DLGAP1: variants seen among roughly 807,000 people sequenced by gnomAD.
DLGAP1 encodes the protein DLG associated protein 1, also known as disks large-associated protein 1.
A neutral mutation model predicts 90.8 loss-of-function variants in DLGAP1; 11 were observed. The ratio of observed to expected loss-of-function variants is 0.12; its 90% CI spans 0.08 to 0.20. The LOEUF is 0.20. DLGAP1 is among the 10% of genes least tolerant of loss of function. The pLI is 1.00. For synonymous variants in DLGAP1, 558 were observed against 540.7 expected (o/e 1.03, Z -0.44); for missense variants, 1,050 against 1,333.8 (o/e 0.79, Z 3.31).
chr18:4,269,863 C>T (rs62086532), intron 1 of DLGAP1, among the ~76,000 whole-genome samples: 3,137 of 151,932 alleles, frequency 0.021, 34 homozygotes, highest in East Asian at 0.041. Flanking sequence ...TTCTTGAGTT[C>T]TGACTAATTT....
chr18:3,504,541 T>A (rs2050113441), intron 11 of DLGAP1, among the ~76,000 whole-genome samples: 1 of 152,026 alleles, frequency 6.6e-6, no homozygotes, highest in African/African-American at 2.4e-5. Context: ...TGTGCCACCA[T>A]GCCTGGCTAA....
At chr18:4,126,343 A>G (rs1276089144) in intron 2 of DLGAP1, among the ~76,000 whole-genome samples, 2 of 152,218 alleles carry the variant, frequency 1.3e-5, no homozygotes, top group Admixed American at 1.3e-4. Context: ...TCAAAATTAC[A>G]AAGGGACAAC....
At chr18:4,213,030 G>T (rs997548989) in intron 1 of DLGAP1, among the ~76,000 whole-genome samples, 2 of 152,094 alleles carry the variant, frequency 1.3e-5, no homozygotes, top group Non-Finnish European at 2.9e-5. Flanking sequence ...CATAATTATA[G>T]TACTTATTAC....
intron 4 of DLGAP1, among the ~76,000 whole-genome samples, chr18:3,872,607 GC>G (rs1242405249): frequency 6.6e-6 from 1 of 152,124 alleles, no homozygotes; most frequent in Non-Finnish European, 1.5e-5. Context: ...ATTAAAGTCA[GC>G]CTGGCAATAC....
intron 1 of DLGAP1, among the ~76,000 whole-genome samples, chr18:4,259,341 T>C (rs1439709584): frequency 1.3e-5 from 2 of 152,200 alleles, no homozygotes; most frequent in African/African-American, 4.8e-5. Flanking sequence ...CTGTTTTCAT[T>C]TGAAATAACT....
In DLGAP1 at chr18:4,169,448, A is replaced by G. The variant is rs117267397; in HGVS notation, c.-266-18161T>C. Among the ~76,000 whole-genome samples the G allele has an allele frequency of 2.4e-3, 369 of 152,222 alleles. 3 individuals carry two copies. Among genetic ancestry groups the G allele is most frequent in the Non-Finnish European group, 4.1e-3 (276 of 68,036 alleles). The stretch of plus-strand genomic sequence containing the variant: ...AATCTTATGTAATAAATGTCCATGT[A>G]TTAGTTATACTATTCAAGGGAGATA... On this transcript the variant is annotated intron_variant, in intron 1 of 12. Coordinates refer to ENST00000315677, the MANE Select transcript of DLGAP1 (RefSeq NM_004746.4).
At chr18:3,516,706 A>C (rs1218641855) in intron 10 of DLGAP1, among the ~76,000 whole-genome samples, 1 of 152,206 alleles carries the variant, frequency 6.6e-6, no homozygotes, top group African/African-American at 2.4e-5. Context: ...GACAAGAGAG[A>C]ATGATGATAG....
At chr18:3,933,557 T>G (rs1000122970) in intron 3 of DLGAP1, among the ~76,000 whole-genome samples, 1 of 152,368 alleles carries the variant, frequency 6.6e-6, no homozygotes, top group East Asian at 1.9e-4. Flanking sequence ...CCCTCCATTC[T>G]TCCTCTCTAG....
At chr18:3,861,931 G>A (rs1276614052) in intron 4 of DLGAP1, among the ~76,000 whole-genome samples, 1 of 152,212 alleles carries the variant, frequency 6.6e-6, no homozygotes, top group Non-Finnish European at 1.5e-5. Context: ...AAGAGTGCCT[G>A]GTTTCAGAGA....
chr18:4,290,849 G>A (rs190700539), intron 1 of DLGAP1, among the ~76,000 whole-genome samples: 16 of 152,212 alleles, frequency 1.1e-4, no homozygotes, highest in African/African-American at 2.9e-4. Context: ...TCTTTTTCAC[G>A]CTTTCAATCT....
At chr18:3,884,612 GA>G (rs1200953406) in intron 3 of DLGAP1, among the ~76,000 whole-genome samples, 1 of 152,172 alleles carries the variant, frequency 6.6e-6, no homozygotes, top group Non-Finnish European at 1.5e-5. Context: ...AGCAAACGAA[GA>G]GCTGTTTAAG....
chr18:4,343,436 C>CTT (rs999508132), intron 1 of DLGAP1, among the ~76,000 whole-genome samples: 104 of 151,906 alleles, frequency 6.8e-4, no homozygotes, highest in African/African-American at 2.3e-3. Context: ...ATCCTGATTA[C>CTT]TTAATATTTA....
chr18:3,990,416 T>C (rs1050481502), intron 3 of DLGAP1, among the ~76,000 whole-genome samples: 26 of 140,646 alleles, frequency 1.8e-4, no homozygotes, highest in Middle Eastern at 3.9e-3. Flanking sequence ...TTCTCACTCA[T>C]AGGTGGGAAT....
At position 4,384,596 on chromosome 18, in the gene DLGAP1, C is replaced by T. The variant is rs190038429; in HGVS notation, c.-267+70410G>A. On this transcript the variant is annotated intron_variant, in intron 1 of 12. Transcript: ENST00000315677. ...TTTAACATCAGGGCTAACTCTAGAT[C>T]AAATACTCTCTCTATATTTCCTCGT... Among the ~76,000 whole-genome samples the T allele has an allele frequency of 5.1e-4, 77 of 152,142 alleles. 1 individual carries two copies. The highest frequency in any genetic ancestry group is 1.7e-3 in the African/African-American group (72 of 41,510).
chr18:4,102,226 GTAT>G (rs1210120677), intron 2 of DLGAP1, among the ~76,000 whole-genome samples: 1 of 152,160 alleles, frequency 6.6e-6, no homozygotes, highest in Non-Finnish European at 1.5e-5. Context: ...TGGTGATTAA[GTAT>G]CTATTGTGTC....
At chr18:4,420,864 C>G (rs913498947) in intron 1 of DLGAP1, among the ~76,000 whole-genome samples, 3 of 152,156 alleles carry the variant, frequency 2.0e-5, no homozygotes, top group African/African-American at 7.2e-5. Context: ...CATTTATCAC[C>G]TCCACATGAA....
chr18:3,647,802 A>T (rs62083219), intron 7 of DLGAP1, among the ~76,000 whole-genome samples: 27,734 of 152,120 alleles, frequency 0.18, 2,672 homozygotes, highest in Non-Finnish European at 0.19. Context: ...GCTAAGTAGC[A>T]TTACCCCATT....
At chr18:4,255,820 T>C (rs1460709331) in intron 1 of DLGAP1, among the ~76,000 whole-genome samples, 2 of 151,686 alleles carry the variant, frequency 1.3e-5, no homozygotes, top group Non-Finnish European at 1.5e-5. Flanking sequence ...AGAGAAAACA[T>C]ATAAAAAAGC....
intron 3 of DLGAP1, among the ~76,000 whole-genome samples, chr18:3,995,920 G>C (rs960748959): frequency 1.3e-5 from 2 of 151,942 alleles, no homozygotes; most frequent in Admixed American, 6.6e-5. Context: ...AAAAGTAAAA[G>C]TTTAGATACT....
Sources: gnomAD v4.1 joint callset for allele counts (sites outside exome capture counted in the v4.1 genomes callset) on GRCh38, gnomAD v4.1.1 for gene constraint, MANE v1.5 for transcripts, NCBI Gene and HGNC (gene_info 2026-07-23, HGNC 2026-07-21) for gene names.